Variants in CSNK1D observed in about 807,000 individuals in gnomAD.
CSNK1D encodes the protein casein kinase 1 delta.
CSNK1D carries 16 observed loss-of-function variants against 46.6 expected under a neutral mutation model. The ratio of observed to expected loss-of-function variants is 0.34; its 90% CI spans 0.23 to 0.52. The LOEUF is 0.52. Among genes scored for constraint, CSNK1D ranks in the 20% least tolerant of loss-of-function variants. CSNK1D has a pLI of 0.95. For missense variants in CSNK1D, 398 were observed against 578.4 expected (o/e 0.69, Z 3.20); for synonymous variants, 276 against 228.2 (o/e 1.21, Z -1.89).
rs541640183 is a variant in CSNK1D at position 82,255,281 on chromosome 17, T to A, written c.336+148A>T. The A allele has an allele frequency of 8.4e-6, 8 of 947,926 alleles. No individual in the cohort carries two copies. Among genetic ancestry groups the A allele is most frequent in the Admixed American group, 7.8e-5 (4 of 51,164 alleles). 58.7% of individuals were successfully genotyped at this position (947,926 alleles called of 1,614,324 possible). ...CCGGAGCCTCGAGAAGCCAGTGAGC[T>A]GAGCCACTGCAGCCTCAAGGCTGAG... is the stretch of plus-strand genomic sequence containing the variant. On this transcript the variant is annotated intron_variant, in intron 3 of 8. Coordinates refer to ENST00000314028, the MANE Select transcript of CSNK1D (RefSeq NM_001893.6). This position sits in a 1 kb window ranked among gnomAD's most constrained non-coding sequence, Gnocchi z 5.9.
chr17:82,251,132 C>T lies in CSNK1D; in HGVS notation c.885+247G>A. 1 of 509,062 alleles carries T rather than the reference C, an allele frequency of 2.0e-6. No individual in the cohort carries two copies. The allele number at this position is 509,062 out of a possible 1,614,324, so 31.5% of individuals were successfully genotyped here. A position where few individuals can be genotyped will look rare whatever the true frequency, so the allele number is the denominator to read the frequency against. On this transcript the variant is annotated intron_variant, in intron 6 of 8. Transcript: ENST00000314028. The surrounding 1 kb of genome is among the most constrained non-coding windows in gnomAD (Gnocchi z 4.5). Reference sequence around the variant, plus strand: ...TTGGTGACAGGGAGGGAAGGGGCCTCCTGCTGTCCACACCCAGGAATTCCA... The same window carrying T: ...TTGGTGACAGGGAGGGAAGGGGCCTTCTGCTGTCCACACCCAGGAATTCCA...
At chr17:82,264,663 A>G (rs1287124454) in intron 2 of CSNK1D, among the ~76,000 whole-genome samples, 1 of 152,170 alleles carries the variant, frequency 6.6e-6, no homozygotes, top group Non-Finnish European at 1.5e-5. Context: ...CATGCGAAGG[A>G]GCAGAGGCCT....
At chr17:82,257,216 C>G (rs1192970042) in intron 2 of CSNK1D, among the ~76,000 whole-genome samples, 1 of 151,516 alleles carries the variant, frequency 6.6e-6, no homozygotes, top group Non-Finnish European at 1.5e-5. Context: ...TTTTCCTATT[C>G]ATAGTAGTTC....
At chr17:82,247,212 GA>G in intron 8 of CSNK1D, 1 of 985,384 alleles carries the variant, frequency 1.0e-6, no homozygotes, top group Non-Finnish European at 1.2e-6. Flanking sequence ...TCCTCATATG[GA>G]AAACGAGGGC....
chr17:82,242,869 G>C lies in CSNK1D; in HGVS notation c.*1912C>G. On this transcript the variant is annotated 3_prime_UTR_variant, in exon 9 of 9. Coordinates refer to ENST00000314028, the MANE Select transcript of CSNK1D (RefSeq NM_001893.6). The stretch of plus-strand genomic sequence containing the variant: ...CACTCCGAAGACGCGACCCGGCGAG[G>C]CTCGGGCTGGAACCCGGGCGCAGAG... The C allele has an allele frequency of 1.0e-6, 1 of 985,444 alleles. No homozygotes were observed. Among genetic ancestry groups the C allele is most frequent in the Non-Finnish European group, 1.2e-6 (1 of 829,932 alleles). 61.0% of individuals were successfully genotyped at this position (985,444 alleles called of 1,614,324 possible). A position where few individuals can be genotyped will look rare whatever the true frequency, so the allele number is the denominator to read the frequency against.
Position 82,255,331 on chromosome 17 carries a change from G to A in CSNK1D, c.336+98C>T. The A allele has an allele frequency of 7.0e-7, 1 of 1,425,226 alleles. No individual in the cohort carries two copies. Among genetic ancestry groups the A allele is most frequent in the Non-Finnish European group, 9.9e-7 (1 of 1,010,368 alleles). 88.3% of individuals were successfully genotyped at this position (1,425,226 alleles called of 1,614,324 possible). On this transcript the variant is annotated intron_variant, in intron 3 of 8. Transcript: ENST00000314028. This position sits in a 1 kb window ranked among gnomAD's most constrained non-coding sequence, Gnocchi z 5.9. ...GGCTCAGCAAATTTCCATTTCCTCT[G>A]TGAATTAATGGCCATAATAATGGCA...
chr17:82,273,577 C>T lies in CSNK1D; in HGVS notation c.-196G>A, dbSNP rs985809277. 11 of 623,990 alleles carry T rather than the reference C, an allele frequency of 1.8e-5. No homozygotes were observed. The highest frequency in any genetic ancestry group is 5.9e-5 in the African/African-American group (3 of 51,044). 38.7% of individuals were successfully genotyped at this position (623,990 alleles called of 1,614,324 possible). ...TACGGGGCGGATGGGACAGTCCGAG[C>T]GCCGCCGCCGCTGCTCCGGCCCCTA... On this transcript the variant is annotated 5_prime_UTR_variant, in exon 1 of 9. Transcript: ENST00000314028. The surrounding 1 kb of genome is among the most constrained non-coding windows in gnomAD (Gnocchi z 5.1).
At chr17:82,260,037 TGA>T (rs2051285388) in intron 2 of CSNK1D, among the ~76,000 whole-genome samples, 1 of 132,866 alleles carries the variant, frequency 7.5e-6, no homozygotes, top group African/African-American at 4.1e-5. Flanking sequence ...GTGTACTGAC[TGA>T]TGTGACTGAT....
downstream of CSNK1D, among the ~76,000 whole-genome samples, chr17:82,240,390 C>T (rs1323415570): frequency 6.6e-6 from 1 of 152,168 alleles, no homozygotes; most frequent in African/African-American, 2.4e-5. Flanking sequence ...ATGGCCTTCC[C>T]CCGCTGGCAC....
chr17:82,271,265 G>A (rs930044802), intron 1 of CSNK1D, among the ~76,000 whole-genome samples: 6 of 152,052 alleles, frequency 3.9e-5, no homozygotes, highest in African/African-American at 7.2e-5. Context: ...TAGTAGAGAT[G>A]GGGTTTCGCC....
chr17:82,250,021 C>T lies in CSNK1D; in HGVS notation c.886-419G>A, dbSNP rs2050960024. On this transcript the variant is annotated intron_variant, in intron 6 of 8. Transcript: ENST00000314028. The surrounding 1 kb of genome is among the most constrained non-coding windows in gnomAD (Gnocchi z 4.6). ...GAGGAAAGCGGGGTGGGGATGAGAG[C>T]GTTTGGTCGGACGAGGAGTACACTC... 33 of 1,240,882 alleles carry T rather than the reference C, an allele frequency of 2.7e-5. No individual in the cohort carries two copies. The South Asian group carries it at 4.1e-4, about 16-fold the overall frequency. The allele number at this position is 1,240,882 out of a possible 1,614,324, so 76.9% of individuals were successfully genotyped here.
Position 82,243,136 on chromosome 17 carries a change from C to G in CSNK1D, c.*1645G>C. On this transcript the variant is annotated 3_prime_UTR_variant, in exon 9 of 9. Coordinates refer to ENST00000314028, the MANE Select transcript of CSNK1D (RefSeq NM_001893.6). ...GTACTCCAAAACGCTTACACAGTAA[C>G]CAGCCTAGGATTGAGAAAGCATCCA... The G allele has an allele frequency of 1.0e-6, 1 of 985,584 alleles. No individual in the cohort carries two copies. Among genetic ancestry groups the G allele is most frequent in the Non-Finnish European group, 1.2e-6 (1 of 830,008 alleles). The allele number at this position is 985,584 out of a possible 1,614,324, so 61.1% of individuals were successfully genotyped here.
rs1302929345 is a variant in CSNK1D, at chr17:82,255,710, C to G, written c.188-133G>C. 26 of 1,098,466 alleles carry G rather than the reference C, an allele frequency of 2.4e-5. No homozygotes were observed. The East Asian group carries it at 6.3e-4, about 27-fold the overall frequency. 68.0% of individuals were successfully genotyped at this position (1,098,466 alleles called of 1,614,324 possible). Reference sequence around the variant, plus strand: ...GAGGGGTGGTGGAGGTAGAAGACCCCGGCAACGCCGCTCCTCAGGGACCCA... The same window carrying G: ...GAGGGGTGGTGGAGGTAGAAGACCCGGGCAACGCCGCTCCTCAGGGACCCA... On this transcript the variant is annotated intron_variant, in intron 2 of 8. Coordinates refer to ENST00000314028, the MANE Select transcript of CSNK1D (RefSeq NM_001893.6). The surrounding 1 kb of genome is among the most constrained non-coding windows in gnomAD (Gnocchi z 5.9).
At chr17:82,259,936 G>T (rs1291785114) in intron 2 of CSNK1D, among the ~76,000 whole-genome samples, 1 of 151,266 alleles carries the variant, frequency 6.6e-6, no homozygotes, top group East Asian at 1.9e-4. Flanking sequence ...TGTACTGACT[G>T]ATGGTGTACT....
At chr17:82,247,313 A>C (rs1395106725) in intron 8 of CSNK1D, 1 of 985,322 alleles carries the variant, frequency 1.0e-6, no homozygotes, top group East Asian at 1.1e-4. Flanking sequence ...TACAACAGCC[A>C]CACCCAGGTG....
At chr17:82,239,902 C>T, downstream of CSNK1D, 3 of 931,768 alleles carry the variant, frequency 3.2e-6, no homozygotes, top group South Asian at 1.6e-4. Flanking sequence ...GTCCTGGACA[C>T]CTAACACCCA....
chr17:82,241,473 C>T (rs1453888398), downstream of CSNK1D, among the ~76,000 whole-genome samples: 1 of 152,264 alleles, frequency 6.6e-6, no homozygotes, highest in Non-Finnish European at 1.5e-5. Flanking sequence ...TCCGCTCATG[C>T]CCCCGCAGAT....
chr17:82,256,673 C>T (rs915869244), intron 2 of CSNK1D, among the ~76,000 whole-genome samples: 4 of 152,178 alleles, frequency 2.6e-5, no homozygotes, highest in East Asian at 1.9e-4. Flanking sequence ...CGCAGCCTCA[C>T]GCCACAGTCA....
chr17:82,273,062 C>T lies in CSNK1D; in HGVS notation c.76+244G>A, dbSNP rs1460186993. On this transcript the variant is annotated intron_variant, in intron 1 of 8. Transcript: ENST00000314028. The surrounding 1 kb of genome is among the most constrained non-coding windows in gnomAD (Gnocchi z 5.1). ...TCCCCTATCCCCTCCTTCCCCAACCCTCCCCTCTCCAGACCCTGCTCCCCC... is the reference window on the plus strand; with the variant it reads ...TCCCCTATCCCCTCCTTCCCCAACCTTCCCCTCTCCAGACCCTGCTCCCCC... 1 of 486,486 alleles carries T rather than the reference C, an allele frequency of 2.1e-6. No individual in the cohort carries two copies. Among genetic ancestry groups the T allele is most frequent in the Non-Finnish European group, 3.7e-6 (1 of 272,444 alleles). 30.1% of individuals were successfully genotyped at this position (486,486 alleles called of 1,614,324 possible).
Sources: allele counts gnomAD v4.1 joint callset (sites outside exome capture counted in the v4.1 genomes callset), GRCh38; gene constraint gnomAD v4.1.1; non-coding constraint Gnocchi (gnomAD v3.1); transcripts MANE v1.5; gene names NCBI Gene and HGNC (gene_info 2026-07-23, HGNC 2026-07-21).